The following NSD2 variants were observed in gnomAD, a reference collection of about 807,000 sequenced individuals.
The protein encoded by NSD2 is nuclear receptor binding SET domain protein 2.
A neutral mutation model predicts 139.0 loss-of-function variants in NSD2; 12 were observed. The ratio of observed to expected loss-of-function variants is 0.09; its 90% CI spans 0.06 to 0.14. The LOEUF (loss-of-function observed/expected upper bound fraction) is 0.14, where lower values mean the gene tolerates loss of function less well. NSD2 is among the 10% of genes least tolerant of loss of function. The pLI is 1.00. For missense variants in NSD2, 1,155 were observed against 1,745.0 expected (o/e 0.66, Z 6.02); for synonymous variants, 669 against 648.7 (o/e 1.03, Z -0.48).
At chr4:1,944,492 A>C in intron 9 of NSD2, 1 of 1,065,628 alleles carries the variant, frequency 9.4e-7, no homozygotes, top group Non-Finnish European at 1.1e-6. Context: ...CATTTGACTC[A>C]CTTCAGACCA....
rs1328926336 is a variant in NSD2, at chr4:1,974,581, T to G, written c.3373-282T>G. ...CTGTTGCTGCTGACCTTAGCTCCCTTGTTTGCCATCATGGAGGATGCTGGG... is the reference window on the plus strand; with the variant it reads ...CTGTTGCTGCTGACCTTAGCTCCCTGGTTTGCCATCATGGAGGATGCTGGG... On this transcript the variant is annotated intron_variant, in intron 18 of 21. Transcript: ENST00000508803. This position sits in a 1 kb window ranked among gnomAD's most constrained non-coding sequence, Gnocchi z 4.0. 12 of 548,352 alleles carry G rather than the reference T, an allele frequency of 2.2e-5. No individual in the cohort carries two copies. Among genetic ancestry groups the G allele is most frequent in the Non-Finnish European group, 3.4e-5 (10 of 291,948 alleles). 34.0% of individuals were successfully genotyped at this position (548,352 alleles called of 1,614,324 possible). A position where few individuals can be genotyped will look rare whatever the true frequency, so the allele number is the denominator to read the frequency against.
intron 1 of NSD2, among the ~76,000 whole-genome samples, chr4:1,881,031 C>A (rs750322691): frequency 2.0e-5 from 3 of 152,134 alleles, no homozygotes; most frequent in Non-Finnish European, 2.9e-5. Flanking sequence ...TGAAATGGTA[C>A]ATCATCTAGG....
intron 12 of NSD2, among the ~76,000 whole-genome samples, chr4:1,953,889 T>C (rs993740184): frequency 1.3e-5 from 2 of 151,354 alleles, no homozygotes; most frequent in African/African-American, 2.4e-5. Context: ...CCTCCTGGGC[T>C]CAAGCTGTCC....
intron 21 of NSD2, among the ~76,000 whole-genome samples, chr4:1,977,997 G>A (rs1727285559): frequency 6.6e-6 from 1 of 151,578 alleles, no homozygotes; most frequent in Non-Finnish European, 1.5e-5. Context: ...CGTGGTGGCG[G>A]GCGCCTGTAA....
chr4:1,955,688 T>TG lies in NSD2; in HGVS notation c.2519-4dup, dbSNP rs1724744701. On this transcript the variant is annotated splice_region_variant and splice_polypyrimidine_tract_variant and intron_variant, in intron 13 of 21. Transcript: ENST00000508803. This position sits in a 1 kb window ranked among gnomAD's most constrained non-coding sequence, Gnocchi z 4.7. The stretch of plus-strand genomic sequence containing the variant: ...AAGCCTGGCCGCCTCGCCCTCCTCT[T>TG]GCAGGGGGGAGCCTTCTGTGCTGTG... The TG allele has an allele frequency of 6.2e-7, 1 of 1,610,832 alleles. No homozygotes were observed. Among genetic ancestry groups the TG allele is most frequent in the Non-Finnish European group, 8.5e-7 (1 of 1,178,062 alleles).
At chr4:1,970,727 G>A (rs529552024) in intron 18 of NSD2, among the ~76,000 whole-genome samples, 4 of 152,310 alleles carry the variant, frequency 2.6e-5, no homozygotes, top group Admixed American at 6.5e-5. Flanking sequence ...GGGCGGTTGA[G>A]GGAGGGGGTC....
intron 9 of NSD2, 78 bp from the exon 10 acceptor site, chr4:1,950,994 G>A: frequency 6.5e-7 from 1 of 1,548,974 alleles, no homozygotes. Context: ...GGTGGGGCGG[G>A]ACGAGCCTGC....
intron 10 of NSD2, among the ~76,000 whole-genome samples, chr4:1,951,585 A>G (rs1724277185): frequency 6.6e-6 from 1 of 151,858 alleles, no homozygotes; most frequent in African/African-American, 2.4e-5. Flanking sequence ...TGACATGCAC[A>G]CTGGACAGGC....
chr4:1,905,550 C>T (rs899339260), intron 3 of NSD2, among the ~76,000 whole-genome samples: 99 of 152,262 alleles, frequency 6.5e-4, no homozygotes, highest in Non-Finnish European at 4.4e-4. Flanking sequence ...GTACTGCCAC[C>T]TGCATGGCCA....
chr4:1,896,488 C>T (rs374622289), intron 1 of NSD2, among the ~76,000 whole-genome samples: 30 of 152,380 alleles, frequency 2.0e-4, no homozygotes, highest in African/African-American at 7.0e-4. Flanking sequence ...CACACCTCAG[C>T]CTCCCGGGTA....
At chr4:1,890,319 G>A (rs1715432315) in intron 1 of NSD2, among the ~76,000 whole-genome samples, 1 of 150,968 alleles carries the variant, frequency 6.6e-6, no homozygotes, top group Non-Finnish European at 1.5e-5. Context: ...TTTTTTTTGA[G>A]ATGGCGTCTC....
chr4:1,914,598 T>A (rs1719114547), intron 3 of NSD2, among the ~76,000 whole-genome samples: 1 of 152,220 alleles, frequency 6.6e-6, no homozygotes, highest in Non-Finnish European at 1.5e-5. Context: ...AGTGCTGGGA[T>A]TACAGGCGTG....
rs1236777471 is a variant in NSD2 at position 1,928,236 on chromosome 4, A to C, written c.1411-2390A>C. Among the ~76,000 whole-genome samples the C allele has an allele frequency of 2.0e-5, 3 of 152,196 alleles. No homozygotes were observed. In the East Asian group the frequency reaches 5.8e-4, roughly 29 times the overall value. Reference sequence around the variant, plus strand: ...ATATGTTAAGAATAAAGAAGTGGCCACTATTGAGTGCTTATCACATGTCAG... The same window carrying C: ...ATATGTTAAGAATAAAGAAGTGGCCCCTATTGAGTGCTTATCACATGTCAG... On this transcript the variant is annotated intron_variant, in intron 5 of 21. Transcript: ENST00000508803.
chr4:1,929,532 G>C (rs772062916), intron 5 of NSD2, among the ~76,000 whole-genome samples: 1 of 152,224 alleles, frequency 6.6e-6, no homozygotes, highest in African/African-American at 2.4e-5. Flanking sequence ...GGGCTGGTGA[G>C]CAGTGAGGGC....
rs572917650 is a variant in NSD2, at chr4:1,961,861, C to T, written c.3372+710C>T. ...GATGACTTCAGCTGGGGAAGTGTGG[C>T]CTCCTTAGTGCCTGAGTGGTCTTTG... On this transcript the variant is annotated intron_variant, in intron 18 of 21. Transcript: ENST00000508803. Among the ~76,000 whole-genome samples the T allele has an allele frequency of 8.8e-4, 134 of 152,304 alleles. 2 individuals are homozygous for T. In the South Asian group the frequency reaches 0.026, roughly 29 times the overall value.
rs758923250 is a variant in NSD2 at position 1,978,744 on chromosome 4, A to G, written c.3933A>G (p.Thr1311=). ...TCTGTAAGGAGCACCAGGACGGGAC[A>G]GCCTTCAGCTGCACCCCGGACGGGC... ...NSFCKEHQDG[T]AFSCTPDGRS... Residue 1311 remains threonine, a synonymous_variant, in exon 22 of 22, where the codon ACA becomes ACG. Coordinates refer to ENST00000508803, the MANE Select transcript of NSD2 (RefSeq NM_001042424.3). The G allele has an allele frequency of 2.7e-5, 43 of 1,614,060 alleles. No homozygotes were observed. Among genetic ancestry groups the G allele is most frequent in the African/African-American group, 2.7e-5 (2 of 74,940 alleles).
At chr4:1,965,216 A>G (rs1186581521) in intron 18 of NSD2, among the ~76,000 whole-genome samples, 1 of 152,186 alleles carries the variant, frequency 6.6e-6, no homozygotes, top group Non-Finnish European at 1.5e-5. Flanking sequence ...AGAAAACTAA[A>G]GGAAAACCTG....
At chr4:1,930,882 A>AC in intron 6 of NSD2, 112 bp downstream of exon 6, 1 of 1,387,856 alleles carries the variant, frequency 7.2e-7, no homozygotes, top group Middle Eastern at 2.7e-4. Context: ...CCTGTTTCTG[A>AC]CCCGTGGGGT....
rs1465090628 is a variant in NSD2 at position 1,948,913 on chromosome 4, G to C, written c.1882-2159G>C. The C allele has an allele frequency of 1.5e-6, 1 of 678,652 alleles. No individual in the cohort carries two copies. Among genetic ancestry groups the C allele is most frequent in the African/African-American group, 1.9e-5 (1 of 51,386 alleles). The allele number at this position is 678,652 out of a possible 1,614,324, so 42.0% of individuals were successfully genotyped here. ...AGTTTGTTCCACCACGTTAAGGGAA[G>C]AGCATGGGTTGGTGGATAGCGCTGG... On this transcript the variant is annotated intron_variant, in intron 9 of 21. Coordinates refer to ENST00000508803, the MANE Select transcript of NSD2 (RefSeq NM_001042424.3). This position sits in a 1 kb window ranked among gnomAD's most constrained non-coding sequence, Gnocchi z 4.5.
Sources: gnomAD v4.1 joint callset for allele counts (sites outside exome capture counted in the v4.1 genomes callset) on GRCh38, gnomAD v4.1.1 for gene constraint, Gnocchi (gnomAD v3.1) non-coding constraint, MANE v1.5 for transcripts, NCBI Gene and HGNC (gene_info 2026-07-23, HGNC 2026-07-21) for gene names.